FOXN3: variants seen among roughly 807,000 people sequenced by gnomAD.
FOXN3 encodes forkhead box N3, also known as forkhead box protein N3.
In FOXN3, 7 loss-of-function variants were observed where a neutral mutation model predicts 38.4. The ratio of observed to expected loss-of-function variants is 0.18; its 90% confidence interval spans 0.10 to 0.34. The LOEUF is 0.34. Ranked by LOEUF, FOXN3 falls within the 10% of genes least tolerant of loss-of-function variation. FOXN3 has a pLI of 1.00. For synonymous variants in FOXN3, 230 were observed against 242.2 expected (o/e 0.95, Z 0.47); for missense variants, 456 against 613.4 (o/e 0.74, Z 2.71).
chr14:89,545,367 AG>A (rs1390843369), intron 1 of FOXN3, among the ~76,000 whole-genome samples: 1 of 152,246 alleles, frequency 6.6e-6, no homozygotes, highest in Non-Finnish European at 1.5e-5. Flanking sequence ...CAAAACAAGA[AG>A]ACGAGCAATC....
intron 1 of FOXN3, among the ~76,000 whole-genome samples, chr14:89,528,428 C>CTTTTTT (rs1894480076): frequency 5.9e-5 from 4 of 68,362 alleles, no homozygotes; most frequent in African/African-American, 1.5e-4. Flanking sequence ...AAGAGTTTTG[C>CTTTTTT]TCTTGTTGCC....
intron 3 of FOXN3, among the ~76,000 whole-genome samples, chr14:89,282,234 T>A (rs2139919802): frequency 6.6e-6 from 1 of 152,106 alleles, no homozygotes; most frequent in South Asian, 2.1e-4. Context: ...ATGTCAAATG[T>A]GCTAGAAAAT....
chr14:89,506,553 C>A (rs1399497709), intron 1 of FOXN3, among the ~76,000 whole-genome samples: 1 of 151,440 alleles, frequency 6.6e-6, no homozygotes, highest in African/African-American at 2.4e-5. Flanking sequence ...AGGTGAGGGG[C>A]GCCTCTGCCC....
At chr14:89,329,681 C>T (rs961264429) in intron 3 of FOXN3, among the ~76,000 whole-genome samples, 1 of 151,912 alleles carries the variant, frequency 6.6e-6, no homozygotes, top group African/African-American at 2.4e-5. Flanking sequence ...CATGGTGAAA[C>T]CCTGTCTCTA....
intron 4 of FOXN3, among the ~76,000 whole-genome samples, chr14:89,197,874 A>C (rs1485501504): frequency 2.6e-5 from 4 of 152,234 alleles, no homozygotes; most frequent in Admixed American, 2.6e-4. Flanking sequence ...CATCCAAAGA[A>C]GCCATCAAGG....
At chr14:89,354,280 C>T (rs576740190) in intron 2 of FOXN3, among the ~76,000 whole-genome samples, 24 of 150,710 alleles carry the variant, frequency 1.6e-4, no homozygotes, top group African/African-American at 5.3e-4. Context: ...CAGGCTGGAG[C>T]GCAGTGGCAC....
chr14:89,551,316 G>A (rs1162776421), intron 1 of FOXN3, among the ~76,000 whole-genome samples: 2 of 152,128 alleles, frequency 1.3e-5, no homozygotes, highest in Non-Finnish European at 2.9e-5. Flanking sequence ...TTGATTTCCT[G>A]TCTTCTGCAC....
At chr14:89,583,363 C>T (rs1895782857) in intron 1 of FOXN3, among the ~76,000 whole-genome samples, 1 of 152,142 alleles carries the variant, frequency 6.6e-6, no homozygotes, top group Non-Finnish European at 1.5e-5. Context: ...TATAGAGGGG[C>T]TTTCAGGAGT....
intron 1 of FOXN3, among the ~76,000 whole-genome samples, chr14:89,433,317 A>T (rs12878370): frequency 0.33 from 50,121 of 152,032 alleles, 8,491 homozygotes; most frequent in Admixed American, 0.43. Context: ...CCCCATCTCT[A>T]CTAAAAATAC....
At chr14:89,225,507 G>C (rs1174275175) in intron 4 of FOXN3, among the ~76,000 whole-genome samples, 1 of 152,090 alleles carries the variant, frequency 6.6e-6, no homozygotes, top group Non-Finnish European at 1.5e-5. Context: ...GGGAGGCTGA[G>C]GCAGGAGAAT....
At chr14:89,455,661 C>G (rs1363389546) in intron 1 of FOXN3, among the ~76,000 whole-genome samples, 1 of 152,118 alleles carries the variant, frequency 6.6e-6, no homozygotes, top group Non-Finnish European at 1.5e-5. Context: ...AGGGCGGGAC[C>G]GGACCTGAGG....
At chr14:89,355,771 G>A (rs1205960819) in intron 2 of FOXN3, among the ~76,000 whole-genome samples, 1 of 152,156 alleles carries the variant, frequency 6.6e-6, no homozygotes, top group Admixed American at 6.6e-5. Flanking sequence ...CTGGGAAGCC[G>A]GGTCAACAAA....
In FOXN3 at chr14:89,260,667, C is replaced by A. The variant is rs566503998; in HGVS notation, c.745+20283G>T. ...ATTTGAAGTGTAGAATGCTCCGGCA[C>A]AGGCAACTAGGCTCAAAGAGGGGCC... On this transcript the variant is annotated intron_variant, in intron 4 of 5. Transcript: ENST00000557258. Among the ~76,000 whole-genome samples the A allele has an allele frequency of 5.3e-5, 8 of 152,314 alleles. No homozygotes were observed. The East Asian group carries it at 1.5e-3, about 29-fold the overall frequency.
chr14:89,174,283 C>G (rs1232665889), intron 5 of FOXN3, among the ~76,000 whole-genome samples: 1 of 152,126 alleles, frequency 6.6e-6, no homozygotes, highest in Admixed American at 6.5e-5. Context: ...AAGATCCCTT[C>G]CAGCAGCCCT....
intron 4 of FOXN3, among the ~76,000 whole-genome samples, chr14:89,224,124 A>G (rs1427262735): frequency 5.9e-5 from 9 of 151,840 alleles, no homozygotes; most frequent in Admixed American, 5.9e-4. Flanking sequence ...AGAAAACTTA[A>G]AAGACCACAA....
At chr14:89,353,267 G>A (rs1889052701) in intron 2 of FOXN3, 1 of 152,116 alleles carries the variant, frequency 6.6e-6, no homozygotes, top group African/African-American at 2.4e-5. Context: ...TTCAGTAGCG[G>A]CCCTACCTAC....
intron 4 of FOXN3, among the ~76,000 whole-genome samples, chr14:89,226,589 A>G (rs1022034356): frequency 6.6e-6 from 1 of 152,058 alleles, no homozygotes; most frequent in African/African-American, 2.4e-5. Context: ...CTAGTGGGAA[A>G]ATTTCAGATT....
intron 1 of FOXN3, among the ~76,000 whole-genome samples, chr14:89,534,908 G>A (rs994690297): frequency 4.6e-5 from 7 of 152,182 alleles, no homozygotes; most frequent in East Asian, 1.9e-4. Context: ...CAGAAGCTCC[G>A]GGGATATATT....
At chr14:89,330,303 G>C (rs1352049906) in intron 3 of FOXN3, among the ~76,000 whole-genome samples, 1 of 152,222 alleles carries the variant, frequency 6.6e-6, no homozygotes, top group African/African-American at 2.4e-5. Flanking sequence ...GCCACAGCTT[G>C]TACGGGCAGA....
Sources: gnomAD v4.1 joint callset for allele counts (sites outside exome capture counted in the v4.1 genomes callset) on GRCh38, gnomAD v4.1.1 for gene constraint, MANE v1.5 for transcripts, NCBI Gene and HGNC (gene_info 2026-07-23, HGNC 2026-07-21) for gene names.